SLC1A1: variants seen among roughly 807,000 people sequenced by gnomAD.
SLC1A1 encodes solute carrier family 1 member 1.
A neutral mutation model predicts 53.3 loss-of-function variants in SLC1A1; 43 were observed. The ratio of observed to expected loss-of-function variants is 0.81; its 90% CI spans 0.63 to 1.04. The LOEUF is 1.04. Among genes scored for constraint, SLC1A1 ranks in the 50% least tolerant of loss-of-function variants. SLC1A1 has a pLI of 0.00. For missense variants in SLC1A1, 748 were observed against 664.9 expected, an observed-to-expected ratio of 1.12 and a Z score of -1.37; for synonymous variants, 307 against 243.2, an observed-to-expected ratio of 1.26 and a Z score of -2.44.
intron 1 of SLC1A1, among the ~76,000 whole-genome samples, chr9:4,515,810 G>C (rs778459060): frequency 5.0e-4 from 76 of 152,140 alleles, no homozygotes; most frequent in Non-Finnish European, 8.8e-4. Context: ...TCTCACAGCT[G>C]GCTGCTGAGT....
At chr9:4,508,474 A>C (rs535009396) in intron 1 of SLC1A1, among the ~76,000 whole-genome samples, 28 of 152,102 alleles carry the variant, frequency 1.8e-4, no homozygotes, top group Non-Finnish European at 4.0e-4. Flanking sequence ...GCTCACCCTC[A>C]CTTGAGCCCA....
At chr9:4,544,234 T>G (rs1401384774) in intron 1 of SLC1A1, among the ~76,000 whole-genome samples, 1 of 152,170 alleles carries the variant, frequency 6.6e-6, no homozygotes, top group Non-Finnish European at 1.5e-5. Context: ...GGTGTGTGAA[T>G]GCAAAAGAGT....
chr9:4,520,815 T>C (rs1816043817), intron 1 of SLC1A1, among the ~76,000 whole-genome samples: 1 of 152,224 alleles, frequency 6.6e-6, no homozygotes, highest in Non-Finnish European at 1.5e-5. Context: ...GGTAACTCTA[T>C]GTTTAATTTT....
At chr9:4,545,189 G>GTC (rs6150901) in intron 2 of SLC1A1, among the ~76,000 whole-genome samples, 1,399 of 130,964 alleles carry the variant, frequency 0.011, 38 homozygotes, top group East Asian at 0.093. Flanking sequence ...TACATTAGAT[G>GTC]TCTCTCTCTC....
chr9:4,583,098 C>A lies in SLC1A1; in HGVS notation c.1254C>A (p.Thr418=), dbSNP rs886063965. 6.2e-7 allele frequency: 1 copy of A among 1,614,078 alleles called. No homozygotes were observed. Among genetic ancestry groups the A allele is most frequent in the African/African-American group, 1.3e-5 (1 of 74,930 alleles). The change falls in exon 11 of 12, where the codon ACC becomes ACA. Residue 418 remains threonine, a synonymous_variant. Transcript: ENST00000262352. This position sits in a 1 kb window ranked among gnomAD's most constrained non-coding sequence, Gnocchi z 4.6. ...GCGTGCCCCAGGCTGGCCTGGTGAC[C>A]ATGGTGATTGTGCTGAGTGCCGTGG... ...AAGVPQAGLV[T]MVIVLSAVGL...
Position 4,495,492 on chromosome 9 carries a change from G to T in SLC1A1, c.91+4722G>T, listed in dbSNP as rs2130790606. Among the ~76,000 whole-genome samples the T allele has an allele frequency of 1.3e-5, 2 of 152,290 alleles. 1 individual carries two copies. Among genetic ancestry groups the T allele is most frequent in the East Asian group, 3.9e-4 (2 of 5,176 alleles). On this transcript the variant is annotated intron_variant, in intron 1 of 11. Coordinates refer to ENST00000262352, the MANE Select transcript of SLC1A1 (RefSeq NM_004170.6). Reference sequence around the variant, plus strand: ...GTGTTCTGGAGTAGTATAGAGCAGGGAGTGGGCTGGCAAGGTGGGGGGTTG... The same window carrying T: ...GTGTTCTGGAGTAGTATAGAGCAGGTAGTGGGCTGGCAAGGTGGGGGGTTG...
At chr9:4,546,365 A>G (rs1315753070) in intron 2 of SLC1A1, among the ~76,000 whole-genome samples, 2 of 152,158 alleles carry the variant, frequency 1.3e-5, no homozygotes, top group African/African-American at 4.8e-5. Flanking sequence ...ATTTGTTTAA[A>G]TTGTCATAAG....
intron 1 of SLC1A1, among the ~76,000 whole-genome samples, chr9:4,528,348 A>G (rs1405420443): frequency 6.6e-6 from 1 of 152,168 alleles, no homozygotes; most frequent in Non-Finnish European, 1.5e-5. Flanking sequence ...CGAGGCAGGC[A>G]GATCACGGGG....
chr9:4,491,325 G>A (rs1219520253), intron 1 of SLC1A1, among the ~76,000 whole-genome samples: 1 of 152,184 alleles, frequency 6.6e-6, no homozygotes, highest in Non-Finnish European at 1.5e-5. Context: ...TTCCCACGCG[G>A]CGAGCGCCGA....
chr9:4,568,797 T>C (rs1365884517), intron 6 of SLC1A1, among the ~76,000 whole-genome samples: 1 of 152,050 alleles, frequency 6.6e-6, no homozygotes, highest in Non-Finnish European at 1.5e-5. Context: ...GGGAGAAAAT[T>C]TGTGCTTTAG....
intron 1 of SLC1A1, among the ~76,000 whole-genome samples, chr9:4,513,589 C>A (rs1190289432): frequency 6.6e-6 from 1 of 152,080 alleles, no homozygotes; most frequent in African/African-American, 2.4e-5. Context: ...TACTATTAAA[C>A]ACTGCTGATA....
intron 1 of SLC1A1, among the ~76,000 whole-genome samples, chr9:4,492,274 GT>G (rs1417797948): frequency 6.6e-6 from 1 of 152,098 alleles, no homozygotes; most frequent in Non-Finnish European, 1.5e-5. Flanking sequence ...GGCCTTGTTT[GT>G]TTTCCTAGTG....
intron 1 of SLC1A1, among the ~76,000 whole-genome samples, chr9:4,498,996 A>G (rs1297544737): frequency 7.7e-6 from 1 of 130,514 alleles, no homozygotes; most frequent in Non-Finnish European, 1.5e-5. Context: ...TATTATATAT[A>G]AGATTATATA....
intron 1 of SLC1A1, among the ~76,000 whole-genome samples, chr9:4,526,460 A>C (rs1202462570): frequency 6.6e-6 from 1 of 152,188 alleles, no homozygotes; most frequent in Non-Finnish European, 1.5e-5. Flanking sequence ...GTAGATGTAT[A>C]AAGGCATGGA....
Position 4,549,886 on chromosome 9 carries a change from C to T in SLC1A1, c.232+5179C>T, listed in dbSNP as rs1429060445. 6.6e-6 allele frequency among the ~76,000 whole-genome samples: 1 copy of T among 152,160 alleles called. No homozygotes were observed. The highest frequency in any genetic ancestry group is 1.5e-5 in the Non-Finnish European group (1 of 68,022). ...ATGCCAGTTCCTGTGCACATTTCTTCCTCCAGAGCAAGGAGTTGCTCATTC... is the reference window on the plus strand; with the variant it reads ...ATGCCAGTTCCTGTGCACATTTCTTTCTCCAGAGCAAGGAGTTGCTCATTC... On this transcript the variant is annotated intron_variant, in intron 2 of 11. Coordinates refer to ENST00000262352, the MANE Select transcript of SLC1A1 (RefSeq NM_004170.6). This position sits in a 1 kb window ranked among gnomAD's most constrained non-coding sequence, Gnocchi z 4.1.
At chr9:4,551,366 T>C (rs1034999761) in intron 2 of SLC1A1, among the ~76,000 whole-genome samples, 5 of 152,040 alleles carry the variant, frequency 3.3e-5, no homozygotes, top group Non-Finnish European at 7.4e-5. Flanking sequence ...TCCAGCTGCA[T>C]GAAAACAGAC....
chr9:4,503,534 C>T (rs965417808), intron 1 of SLC1A1, among the ~76,000 whole-genome samples: 1 of 151,710 alleles, frequency 6.6e-6, no homozygotes, highest in Non-Finnish European at 1.5e-5. Flanking sequence ...GGGAAAGTTC[C>T]TGGAGGAGGC....
intron 1 of SLC1A1, among the ~76,000 whole-genome samples, chr9:4,515,318 G>C (rs756380859): frequency 6.6e-6 from 1 of 152,148 alleles, no homozygotes; most frequent in Non-Finnish European, 1.5e-5. Context: ...TTTTCTGATG[G>C]GAAGAGTATC....
intron 1 of SLC1A1, among the ~76,000 whole-genome samples, chr9:4,536,882 T>C (rs1245640904): frequency 1.3e-5 from 2 of 152,074 alleles, no homozygotes; most frequent in Admixed American, 6.5e-5. Context: ...GATGAGTTCA[T>C]GTCCTTTGTA....
Sources: allele counts gnomAD v4.1 joint callset (sites outside exome capture counted in the v4.1 genomes callset), GRCh38; gene constraint gnomAD v4.1.1; non-coding constraint Gnocchi (gnomAD v3.1); transcripts MANE v1.5; gene names NCBI Gene and HGNC (gene_info 2026-07-23, HGNC 2026-07-21).